The following CPLANE1 variants were observed in gnomAD, a reference collection of about 807,000 sequenced individuals.
CPLANE1 encodes ciliogenesis and planar polarity effector complex subunit 1.
In CPLANE1, 263 loss-of-function variants were observed where a neutral mutation model predicts 362.5. The observed-to-expected ratio is 0.73, with a 90% CI of 0.66 to 0.80. CPLANE1 has a LOEUF of 0.80. Ranked by LOEUF, CPLANE1 falls within the 30% of genes least tolerant of loss-of-function variation. The pLI is 0.00. For synonymous variants in CPLANE1, 1,212 were observed against 1,302.6 expected, an observed-to-expected ratio of 0.93 and a Z score of 1.50; for missense variants, 3,461 against 3,793.4, an observed-to-expected ratio of 0.91 and a Z score of 2.30.
At chr5:37,220,275 A>C (rs550419257) in intron 15 of CPLANE1, among the ~76,000 whole-genome samples, 113 of 152,118 alleles carry the variant, frequency 7.4e-4, no homozygotes, top group Non-Finnish European at 1.4e-3. Context: ...CTCACAAAAT[A>C]AGACATTTAT....
In CPLANE1 at chr5:37,176,064, G is replaced by C. The variant is rs1781082616; in HGVS notation, c.5901-78C>G. Reference sequence around the variant, plus strand: ...CTAAGGTATGAGTGATCTATGCTCAGCCATCTAAGAGTCTAAACATCCTCT... The same window carrying C: ...CTAAGGTATGAGTGATCTATGCTCACCCATCTAAGAGTCTAAACATCCTCT... On this transcript the variant is annotated intron_variant, in intron 30 of 52. Coordinates refer to ENST00000651892, the MANE Select transcript of CPLANE1 (RefSeq NM_001384732.1). 1.5e-5 allele frequency: 14 copies of C among 928,556 alleles called. No individual in the cohort carries two copies. The South Asian group carries it at 2.0e-4, about 13-fold the overall frequency. The allele number at this position is 928,556 out of a possible 1,614,324, so 57.5% of individuals were successfully genotyped here. A position where few individuals can be genotyped will look rare whatever the true frequency, so the allele number is the denominator to read the frequency against.
intron 16 of CPLANE1, among the ~76,000 whole-genome samples, chr5:37,208,685 CCCA>C (rs1284360623): frequency 0.012 from 1,460 of 122,298 alleles, 24 homozygotes; most frequent in African/African-American, 0.025. Context: ...TCCCCCCCCC[CCCA>C]AAAAAAAAAA....
intron 22 of CPLANE1, 44 bp from the exon 23 acceptor site, chr5:37,187,616 T>C (rs1784420247): frequency 5.1e-6 from 8 of 1,581,926 alleles, no homozygotes; most frequent in Non-Finnish European, 6.0e-6. Context: ...TTAGTTTAGA[T>C]GGTAGACCAG....
In CPLANE1 at chr5:37,168,933, A is replaced by G; in HGVS notation, c.7091T>C (p.Leu2364Pro). 6.2e-7 allele frequency: 1 copy of G among 1,614,198 alleles called. No homozygotes were observed. Residue 2364 changes from leucine to proline, a missense_variant, in exon 34 of 53, where the codon CTG (leucine) becomes CCG (proline). Transcript: ENST00000651892. Reference sequence around the variant, plus strand: ...AAACATATTAGGAGGTTTAAGTGGCAGGTATAGTAACGGAAGTCCAAAGGA... The same window carrying G: ...AAACATATTAGGAGGTTTAAGTGGCGGGTATAGTAACGGAAGTCCAAAGGA... ...HHSFGLPLLY[L>P]PLKPPNMFPS...
In CPLANE1 at chr5:37,106,249, C is replaced by T. The variant is rs1352998675; in HGVS notation, c.*1353G>A. ...TATCAAAGAGATATCTGCACTCCTA[C>T]ATTTATTGCAGCTCTATTCACAACA... On this transcript the variant is annotated 3_prime_UTR_variant, in exon 53 of 53. Coordinates refer to ENST00000651892, the MANE Select transcript of CPLANE1 (RefSeq NM_001384732.1). 6.6e-6 allele frequency: 1 copy of T among 152,232 alleles called. No homozygotes were observed. Among genetic ancestry groups the T allele is most frequent in the Non-Finnish European group, 1.5e-5 (1 of 68,066 alleles). 9.4% of individuals were successfully genotyped at this position (152,232 alleles called of 1,614,324 possible). A position where few individuals can be genotyped will look rare whatever the true frequency, so the allele number is the denominator to read the frequency against.
At position 37,226,896 on chromosome 5, in the gene CPLANE1, T is replaced by C; in HGVS notation, c.1699A>G (p.Thr567Ala). The C allele has an allele frequency of 6.4e-7, 1 of 1,551,778 alleles. No homozygotes were observed. Among genetic ancestry groups the C allele is most frequent in the East Asian group, 2.4e-5 (1 of 40,886 alleles). The change falls in exon 12 of 53, where the codon ACA (threonine) becomes GCA (alanine). Residue 567 changes from threonine to alanine, a missense_variant. Transcript: ENST00000651892. ...DDSEETDRTITELHSIQKSLL... is the reference protein window; with the variant it reads ...DDSEETDRTIAELHSIQKSLL... ...CTTTTCTGGATAGAATGCAGTTCTG[T>C]AATGGTTCTATCTGTCTCCTCACTA...
intron 44 of CPLANE1, chr5:37,140,786 A>C (rs1769461189): frequency 1.0e-6 from 1 of 985,216 alleles, no homozygotes; most frequent in Non-Finnish European, 1.2e-6. Flanking sequence ...AGGATCACTA[A>C]CCCACGGCCA....
intron 47 of CPLANE1, 47 bp from the exon 48 acceptor site, chr5:37,122,535 AT>A (rs749313183): frequency 2.1e-6 from 3 of 1,403,940 alleles, no homozygotes; most frequent in Non-Finnish European, 3.0e-6. Context: ...AATCCAAATA[AT>A]TAAACCATTA....
At chr5:37,077,074 T>G in the CPLANE1 span, among the ~76,000 whole-genome samples, 24 of 152,166 alleles carry the variant, frequency 1.6e-4, no homozygotes, top group Admixed American at 4.6e-4. Flanking sequence ...CAATAAAACC[T>G]TATTTGTAAG....
chr5:37,192,544 CATG>C (rs1380850567), intron 21 of CPLANE1, among the ~76,000 whole-genome samples: 1 of 152,120 alleles, frequency 6.6e-6, no homozygotes, highest in African/African-American at 2.4e-5. Context: ...TTTTGTCAGT[CATG>C]ATAATAGAAT....
chr5:37,243,232 G>C lies in CPLANE1; in HGVS notation c.571-113C>G. 3.1e-6 allele frequency: 2 copies of C among 644,438 alleles called. 1 individual carries two copies. The highest frequency in any genetic ancestry group is 3.8e-5 in the African/African-American group (2 of 52,408). The allele number at this position is 644,438 out of a possible 1,614,324, so 39.9% of individuals were successfully genotyped here. ...AACCAGTAAAAAATATTGAGATCTT[G>C]CTTATACTTTTTATCCTTAACATTA... On this transcript the variant is annotated intron_variant, in intron 5 of 52. Coordinates refer to ENST00000651892, the MANE Select transcript of CPLANE1 (RefSeq NM_001384732.1).
rs1796726163 is a variant in CPLANE1 at position 37,227,584 on chromosome 5, C to T, written c.1355G>A (p.Ser452Asn). ...GCACTATACCTTAGACAATATCACA[C>T]TTTGATATATTTTCTCAAGCCTCTG... ...STQRLEKIYQ[S>N]VILSKPKGKG... The change falls in exon 10 of 53, where the codon AGT becomes AAT. Residue 452 changes from serine (S) to asparagine (N), a missense_variant. Around this residue, in one of 2 missense-constraint regions of CPLANE1, gnomAD observed 3,380 missense variants for 3,666.1 expected, o/e 0.92. Coordinates refer to ENST00000651892, the MANE Select transcript of CPLANE1 (RefSeq NM_001384732.1). 1 of 1,550,920 alleles carries T rather than the reference C, an allele frequency of 6.4e-7. No individual in the cohort carries two copies. The highest frequency in any genetic ancestry group is 8.7e-7 in the Non-Finnish European group (1 of 1,146,696).
chr5:37,128,035 G>A (rs1194936250), intron 46 of CPLANE1, among the ~76,000 whole-genome samples: 1 of 151,924 alleles, frequency 6.6e-6, no homozygotes, highest in Non-Finnish European at 1.5e-5. Flanking sequence ...GTGAGATCCT[G>A]TCTCAAAAAA....
At chr5:37,124,014 C>T (rs902125968) in intron 47 of CPLANE1, among the ~76,000 whole-genome samples, 3 of 151,830 alleles carry the variant, frequency 2.0e-5, no homozygotes, top group African/African-American at 7.3e-5. Flanking sequence ...GGTCAGGTAC[C>T]TCAGTAGCCC....
chr5:37,206,429 T>C lies in CPLANE1; in HGVS notation c.2921-4A>G. 1 of 1,534,114 alleles carries C rather than the reference T, an allele frequency of 6.5e-7. No individual in the cohort carries two copies. Among genetic ancestry groups the C allele is most frequent in the Non-Finnish European group, 8.8e-7 (1 of 1,131,642 alleles). ...GGAATAAGTCGAAAGGACTGCTCTG[T>C]GAGTAAATTTTTAAAAATGGATTAT... On this transcript the variant is annotated splice_region_variant and splice_polypyrimidine_tract_variant and intron_variant, in intron 16 of 52. Transcript: ENST00000651892.
At chr5:37,083,226 G>C in the CPLANE1 span, among the ~76,000 whole-genome samples, 9 of 152,190 alleles carry the variant, frequency 5.9e-5, no homozygotes, top group African/African-American at 1.9e-4. Context: ...ATAGGAAAAG[G>C]GGGAGAGTAC....
At chr5:37,245,397 A>T in intron 4 of CPLANE1, 82 bp downstream of exon 4, 2 of 1,106,302 alleles carry the variant, frequency 1.8e-6, no homozygotes, top group East Asian at 3.7e-5. Context: ...ATACATTTTC[A>T]AGACAGTAAC....
rs1194536301 is a variant in CPLANE1 at position 37,184,811 on chromosome 5, T to A, written c.4458A>T (p.Lys1486Asn). Residue 1486 changes from lysine to asparagine, a missense_variant, in exon 25 of 53, where the codon AAA becomes AAT. Transcript: ENST00000651892. ...ACCTTTGATAGATATTTATCCTACT[T>A]TTTTCTTCAACCGACAAAGCTTCAG... ...TFSEALSVEE[K>N]SRINIYQRNA... 1 of 1,612,102 alleles carries A rather than the reference T, an allele frequency of 6.2e-7. No homozygotes were observed. The highest frequency in any genetic ancestry group is 1.1e-5 in the South Asian group (1 of 90,524).
chr5:37,179,668 G>T (rs553517640), intron 28 of CPLANE1, among the ~76,000 whole-genome samples: 1 of 152,128 alleles, frequency 6.6e-6, no homozygotes, highest in East Asian at 1.9e-4. Flanking sequence ...TTAACTCCAC[G>T]TAGTGCTCTG....
Sources: gnomAD v4.1 joint callset for allele counts (sites outside exome capture counted in the v4.1 genomes callset) on GRCh38, gnomAD v4.1.1 for gene constraint, gnomAD v4.1.1 regional missense constraint, MANE v1.5 for transcripts, NCBI Gene and HGNC (gene_info 2026-07-23, HGNC 2026-07-21) for gene names.